DHX15: variants seen among roughly 807,000 people sequenced by gnomAD.
DHX15 encodes DEAH-box helicase 15.
DHX15 carries 11 observed loss-of-function variants against 94.4 expected under a neutral mutation model. That is an observed-to-expected ratio of 0.12 (90% confidence interval 0.07 to 0.19). The LOEUF (loss-of-function observed/expected upper bound fraction) is 0.19, where lower values mean the gene tolerates loss of function less well. DHX15 is among the 10% of genes least tolerant of loss of function. The pLI, the probability that DHX15 is intolerant of heterozygous loss-of-function variation, is 1.00. For synonymous variants in DHX15, 338 were observed against 329.9 expected (o/e 1.02, Z -0.27); for missense variants, 304 against 988.5 (o/e 0.31, Z 9.29).
At chr4:24,577,201 CTAA>C (rs1215390871) in intron 1 of DHX15, among the ~76,000 whole-genome samples, 1 of 152,196 alleles carries the variant, frequency 6.6e-6, no homozygotes, top group Non-Finnish European at 1.5e-5. Flanking sequence ...TAATCCACTT[CTAA>C]TAAATTACTT....
intron 2 of DHX15, among the ~76,000 whole-genome samples, chr4:24,572,265 G>A (rs1722139371): frequency 6.6e-6 from 1 of 152,148 alleles, no homozygotes; most frequent in African/African-American, 2.4e-5. Flanking sequence ...CTCCCAAGTA[G>A]CTGGGACTAC....
At chr4:24,556,120 C>A in intron 4 of DHX15, 131 bp downstream of exon 4, 1 of 648,974 alleles carries the variant, frequency 1.5e-6, no homozygotes, top group Non-Finnish European at 2.5e-6. Flanking sequence ...AGAAACAAAA[C>A]AAGAAGGTAC....
chr4:24,536,769 AC>A (rs1721207733), intron 11 of DHX15, among the ~76,000 whole-genome samples: 1 of 152,150 alleles, frequency 6.6e-6, no homozygotes. Context: ...GTATATAAAA[AC>A]GTGTATGTTA....
intron 12 of DHX15, chr4:24,530,324 T>G: frequency 6.4e-6 from 1 of 155,216 alleles, no homozygotes; most frequent in Non-Finnish European, 1.4e-5. Context: ...GGTGCAGTAA[T>G]CCCAGCACTT....
At chr4:24,562,551 A>G (rs938556094) in intron 3 of DHX15, among the ~76,000 whole-genome samples, 7 of 152,238 alleles carry the variant, frequency 4.6e-5, no homozygotes, top group African/African-American at 1.7e-4. Flanking sequence ...AACAATGTAC[A>G]TATATAAAGT....
At position 24,584,539 on chromosome 4, in the gene DHX15, T is replaced by TGGC. The variant is rs1722566376; in HGVS notation, c.-149_-147dup. 8.0e-6 allele frequency: 6 copies of TGGC among 753,694 alleles called. No homozygotes were observed. Among genetic ancestry groups the TGGC allele is most frequent in the Non-Finnish European group, 1.2e-5 (6 of 501,240 alleles). The allele number at this position is 753,694 out of a possible 1,614,324, so 46.7% of individuals were successfully genotyped here. ...GTGCGGCCGGAACCAACAGCTAAAA[T>TGGC]GGCGGCGGCGACGAGGGCTGGGCCT... is the stretch of plus-strand genomic sequence containing the variant. On this transcript the variant is annotated 5_prime_UTR_variant, in exon 1 of 14. Transcript: ENST00000336812.
rs1722267450 is a variant in DHX15, at chr4:24,576,427, T to C, written c.323A>G (p.His108Arg). Residue 108 changes from histidine to arginine, a missense_variant, in exon 2 of 14, where the codon CAC (histidine) becomes CGC (arginine). His to Arg is a conservative substitution (Grantham distance 29, BLOSUM62 0). This residue lies in a region of DHX15 where 143 missense variants were observed against 200.5 expected (regional missense o/e 0.71). Transcript: ENST00000336812. ...AHSTHAGHAG[H>R]TSLPQCINPF... is the part of the protein sequence containing the mutation. The stretch of plus-strand genomic sequence containing the variant: ...ATTAATGCACTGTGGAAGTGACGTG[T>C]GACCTGCATGTCCGGCATGCGTTGA... The C allele has an allele frequency of 6.2e-7, 1 of 1,614,028 alleles. No individual in the cohort carries two copies. Among genetic ancestry groups the C allele is most frequent in the African/African-American group, 1.3e-5 (1 of 74,908 alleles).
intron 1 of DHX15, 98 bp downstream of exon 1, chr4:24,584,225 G>A: frequency 3.2e-6 from 4 of 1,250,738 alleles, no homozygotes; most frequent in Non-Finnish European, 4.5e-6. Flanking sequence ...CAAAGGCTCG[G>A]GCTCCAGGAC....
chr4:24,568,134 A>T (rs1722037116), intron 3 of DHX15, among the ~76,000 whole-genome samples: 1 of 152,218 alleles, frequency 6.6e-6, no homozygotes, highest in South Asian at 2.1e-4. Flanking sequence ...AACTATGGTT[A>T]AATTCTGTGC....
intron 12 of DHX15, 68 bp from the exon 13 acceptor site, chr4:24,529,838 T>C (rs1429585849): frequency 1.3e-6 from 2 of 1,495,600 alleles, no homozygotes; most frequent in Non-Finnish European, 1.9e-6. Context: ...GCTACCTACA[T>C]AATTAGGAAG....
intron 5 of DHX15, among the ~76,000 whole-genome samples, chr4:24,553,979 G>A (rs1017009558): frequency 4.6e-5 from 7 of 152,140 alleles, no homozygotes; most frequent in African/African-American, 1.2e-4. Flanking sequence ...AGCACTTTGG[G>A]AGGCCGAGGA....
chr4:24,583,424 CA>C (rs1200777576), intron 1 of DHX15, among the ~76,000 whole-genome samples: 1 of 151,064 alleles, frequency 6.6e-6, no homozygotes. Context: ...CCCTGTATTT[CA>C]AAAGCTACTT....
At chr4:24,545,513 G>A (rs569725680) in intron 6 of DHX15, among the ~76,000 whole-genome samples, 1 of 152,188 alleles carries the variant, frequency 6.6e-6, no homozygotes, top group Non-Finnish European at 1.5e-5. Context: ...AGAGCCTATT[G>A]CCAGCCAAAA....
At chr4:24,536,678 T>C (rs1466892125) in intron 11 of DHX15, among the ~76,000 whole-genome samples, 1 of 152,052 alleles carries the variant, frequency 6.6e-6, no homozygotes, top group Non-Finnish European at 1.5e-5. Flanking sequence ...AAAAAGTTCT[T>C]TATTAGTAAA....
intron 6 of DHX15, among the ~76,000 whole-genome samples, chr4:24,548,290 G>A (rs1453518212): frequency 2.0e-5 from 3 of 151,760 alleles, no homozygotes; most frequent in Admixed American, 6.6e-5. Context: ...TTACAGGCAC[G>A]CGCTACCACG....
At chr4:24,584,206 A>T (rs1458750383) in intron 1 of DHX15, 117 bp downstream of exon 1, 2 of 1,102,290 alleles carry the variant, frequency 1.8e-6, no homozygotes, top group African/African-American at 1.6e-5. Flanking sequence ...AACCCAGCCC[A>T]GAGAGAAACA....
chr4:24,583,567 C>T (rs1722519826), intron 1 of DHX15, among the ~76,000 whole-genome samples: 1 of 152,034 alleles, frequency 6.6e-6, no homozygotes, highest in Non-Finnish European at 1.5e-5. Flanking sequence ...ATGGCGGGAG[C>T]GTAGGCAGAG....
At chr4:24,554,052 A>G (rs923577572) in intron 5 of DHX15, among the ~76,000 whole-genome samples, 2 of 151,758 alleles carry the variant, frequency 1.3e-5, no homozygotes, top group Non-Finnish European at 1.5e-5. Context: ...CCCTGTCTCT[A>G]CTAAAAATAC....
chr4:24,566,594 G>A (rs533228151), intron 3 of DHX15, among the ~76,000 whole-genome samples: 21 of 152,272 alleles, frequency 1.4e-4, no homozygotes, highest in African/African-American at 4.8e-4. Flanking sequence ...GGGAGGCTGA[G>A]GTGGGTGGAT....
Sources: gnomAD v4.1 joint callset for allele counts (sites outside exome capture counted in the v4.1 genomes callset) on GRCh38, gnomAD v4.1.1 for gene constraint, gnomAD v4.1.1 regional missense constraint, MANE v1.5 for transcripts, NCBI Gene and HGNC (gene_info 2026-07-23, HGNC 2026-07-21) for gene names.